The following ZNF578 variants were observed in gnomAD, a reference collection of about 807,000 sequenced individuals.
The protein encoded by ZNF578 is Putative chemokine-related protein B42.
In ZNF578, 8 loss-of-function variants were observed where a neutral mutation model predicts 8.3. That is an observed-to-expected ratio of 0.96 (90% confidence interval 0.56 to 1.74). The LOEUF is 1.74. ZNF578 is among the 40% of genes most tolerant of loss of function. The pLI, the probability that ZNF578 is intolerant of heterozygous loss-of-function variation, is 0.00. For missense variants in ZNF578, 726 were observed against 707.5 expected, an observed-to-expected ratio of 1.03 and a Z score of -0.30; for synonymous variants, 206 against 232.2, an observed-to-expected ratio of 0.89 and a Z score of 1.03.
intron 2 of ZNF578, among the ~76,000 whole-genome samples, chr19:52,489,205 C>T (rs2122872667): frequency 1.3e-5 from 2 of 151,516 alleles, no homozygotes; most frequent in Middle Eastern, 3.4e-3. Flanking sequence ...GAGAATCATG[C>T]CACAATAGTG....
chr19:52,494,892 T>C (rs1599904316), intron 3 of ZNF578, among the ~76,000 whole-genome samples: 1 of 152,262 alleles, frequency 6.6e-6, no homozygotes, highest in South Asian at 2.1e-4. Flanking sequence ...AGTACAATGG[T>C]GTTATCTACT....
chr19:52,484,407 C>T (rs1034959130), intron 2 of ZNF578, among the ~76,000 whole-genome samples: 7 of 152,116 alleles, frequency 4.6e-5, no homozygotes, highest in Admixed American at 1.3e-4. Context: ...TTACGGGTGT[C>T]GGGCTAGGGG....
At chr19:52,462,107 C>G (rs1331677591) in intron 2 of ZNF578, among the ~76,000 whole-genome samples, 1 of 152,218 alleles carries the variant, frequency 6.6e-6, no homozygotes, top group Admixed American at 6.5e-5. Flanking sequence ...GCAATGCAAT[C>G]TTTCCAAATC....
chr19:52,490,536 A>G (rs2059361684), intron 2 of ZNF578, among the ~76,000 whole-genome samples: 1 of 152,196 alleles, frequency 6.6e-6, no homozygotes, highest in Admixed American at 6.5e-5. Flanking sequence ...AGTATATGAT[A>G]TGTAATGGAA....
chr19:52,504,590 A>G lies in ZNF578; in HGVS notation c.64-65A>G, dbSNP rs556359483. The G allele has an allele frequency of 9.0e-5, 145 of 1,604,902 alleles. No individual in the cohort carries two copies. In the African/African-American group the frequency reaches 1.7e-3, roughly 18 times the overall value. Reference sequence around the variant, plus strand: ...AGAAATACTTATTTTCTCTTTTCTCATTTCCTGTGAAGGTGATAACTCAAT... The same window carrying G: ...AGAAATACTTATTTTCTCTTTTCTCGTTTCCTGTGAAGGTGATAACTCAAT... On this transcript the variant is annotated intron_variant, in intron 4 of 5. Transcript: ENST00000421239.
At chr19:52,492,432 T>C (rs1404190163) in intron 3 of ZNF578, among the ~76,000 whole-genome samples, 2 of 152,180 alleles carry the variant, frequency 1.3e-5, no homozygotes, top group Admixed American at 6.5e-5. Flanking sequence ...TCTCTGAAGC[T>C]GAGCACAGGG....
In ZNF578 at chr19:52,511,129, C is replaced by A; in HGVS notation, c.748C>A (p.Gln250Lys). 1 of 1,614,100 alleles carries A rather than the reference C, an allele frequency of 6.2e-7. No homozygotes were observed. Among genetic ancestry groups the A allele is most frequent in the South Asian group, 1.1e-5 (1 of 91,076 alleles). The change falls in exon 6 of 6, where the codon CAG (glutamine) becomes AAG (lysine). Residue 250 changes from glutamine to lysine, a missense_variant. Gln to Lys is a moderately conservative substitution (Grantham distance 53). Coordinates refer to ENST00000421239, the MANE Select transcript of ZNF578 (RefSeq NM_001099694.2). ...TTGTAGCTCATTTGTAAGGAAACAT[C>A]AGATAATCCATTTAGGAGAAAAACA... ...FNCSSFVRKH[Q>K]IIHLGEKQYK...
At position 52,498,684 on chromosome 19, in the gene ZNF578, C is replaced by CTTT. The variant is rs72019256; in HGVS notation, c.-19-3128_-19-3126dup. ...AGGAATGAGCCACCTCGCCTGGCCGCTTTTTTTTTTTTTTTTTGTAAGACA... is the reference window on the plus strand; with the variant it reads ...AGGAATGAGCCACCTCGCCTGGCCGCTTTTTTTTTTTTTTTTTTTTGTAAGACA... On this transcript the variant is annotated intron_variant, in intron 3 of 5. Transcript: ENST00000421239. Among the ~76,000 whole-genome samples, 95 of 106,812 alleles carry CTTT rather than the reference C, an allele frequency of 8.9e-4. 5 individuals carry two copies. Among genetic ancestry groups the CTTT allele is most frequent in the African/African-American group, 3.1e-3 (76 of 24,594 alleles). The allele number at this position is 106,812 out of a possible 152,430, so 70.1% of individuals were successfully genotyped here.
Position 52,493,499 on chromosome 19 carries a change from T to G in ZNF578, c.-20+2074T>G, listed in dbSNP as rs555489364. Among the ~76,000 whole-genome samples, 61 of 152,070 alleles carry G rather than the reference T, an allele frequency of 4.0e-4. 1 individual carries two copies. Among genetic ancestry groups the G allele is most frequent in the Middle Eastern group, 3.4e-3 (1 of 292 alleles). On this transcript the variant is annotated intron_variant, in intron 3 of 5. Transcript: ENST00000421239. Reference sequence around the variant, plus strand: ...GAGTCTTACTCCAAACCCGCAGAGTTTTGCTGGTGGCAAGGAGAACCGAGG... The same window carrying G: ...GAGTCTTACTCCAAACCCGCAGAGTGTTGCTGGTGGCAAGGAGAACCGAGG...
At chr19:52,467,999 T>A (rs1259707253) in intron 2 of ZNF578, among the ~76,000 whole-genome samples, 1 of 152,202 alleles carries the variant, frequency 6.6e-6, no homozygotes, top group African/African-American at 2.4e-5. Context: ...TGCATACTCA[T>A]GCATATTTTT....
intron 3 of ZNF578, among the ~76,000 whole-genome samples, chr19:52,499,183 G>A (rs2059397834): frequency 6.6e-6 from 1 of 152,210 alleles, no homozygotes; most frequent in African/African-American, 2.4e-5. Flanking sequence ...CTCAGTCAGT[G>A]ACACTGACCC....
chr19:52,486,354 G>A (rs1256457229), intron 2 of ZNF578, among the ~76,000 whole-genome samples: 1 of 152,178 alleles, frequency 6.6e-6, no homozygotes, highest in East Asian at 1.9e-4. Flanking sequence ...AGAGACCAGT[G>A]CCGTCGTGGG....
intron 4 of ZNF578, among the ~76,000 whole-genome samples, chr19:52,502,315 T>C (rs2122941157): frequency 6.6e-6 from 1 of 152,320 alleles, no homozygotes; most frequent in South Asian, 2.1e-4. Flanking sequence ...TGTGCCCAGG[T>C]ATGTGGCAAA....
At chr19:52,462,403 C>A (rs1477139793) in intron 2 of ZNF578, among the ~76,000 whole-genome samples, 3 of 152,144 alleles carry the variant, frequency 2.0e-5, no homozygotes, top group Non-Finnish European at 4.4e-5. Context: ...CCATGAGTAT[C>A]TGTAGGCTCA....
chr19:52,493,331 C>A (rs909304603), intron 3 of ZNF578, among the ~76,000 whole-genome samples: 20 of 152,146 alleles, frequency 1.3e-4, no homozygotes, highest in African/African-American at 4.8e-4. Flanking sequence ...GTGCCGGGCC[C>A]TGCTGCTCCC....
chr19:52,471,219 T>C (rs1440629776), intron 2 of ZNF578, among the ~76,000 whole-genome samples: 2 of 152,214 alleles, frequency 1.3e-5, no homozygotes, highest in Admixed American at 6.5e-5. Flanking sequence ...TAGATATTTC[T>C]TTATAGCAAT....
chr19:52,480,772 C>G (rs944566855), intron 2 of ZNF578, among the ~76,000 whole-genome samples: 13 of 151,688 alleles, frequency 8.6e-5, no homozygotes, highest in African/African-American at 2.9e-4. Context: ...TGGCACTTGC[C>G]TATAATCCCA....
At chr19:52,482,226 T>C (rs1428772471) in intron 2 of ZNF578, among the ~76,000 whole-genome samples, 2 of 151,516 alleles carry the variant, frequency 1.3e-5, no homozygotes, top group African/African-American at 4.8e-5. Flanking sequence ...AGAGACGGGG[T>C]TTCTTCATGT....
intron 4 of ZNF578, among the ~76,000 whole-genome samples, chr19:52,503,649 G>T (rs2059415146): frequency 6.6e-6 from 1 of 152,074 alleles, no homozygotes; most frequent in African/African-American, 2.4e-5. Flanking sequence ...GACCAATCAT[G>T]ATAGTTTTTA....
Sources: allele counts gnomAD v4.1 joint callset (sites outside exome capture counted in the v4.1 genomes callset), GRCh38; gene constraint gnomAD v4.1.1; transcripts MANE v1.5; gene names NCBI Gene and HGNC (gene_info 2026-07-23, HGNC 2026-07-21).